Variants in TAFA1 observed in about 807,000 individuals in gnomAD.
TAFA1 encodes the protein TAFA chemokine like family member 1.
In TAFA1, 4 loss-of-function variants were observed where a neutral mutation model predicts 18.5. That is an observed-to-expected ratio of 0.22 (90% CI 0.11 to 0.49). The LOEUF is 0.49. Ranked by LOEUF, TAFA1 falls within the 20% of genes least tolerant of loss-of-function variation. The pLI is 0.98. For missense variants in TAFA1, 147 were observed against 169.0 expected, an observed-to-expected ratio of 0.87 and a Z score of 0.72; for synonymous variants, 56 against 55.2, an observed-to-expected ratio of 1.01 and a Z score of -0.06.
chr3:68,109,433 A>G (rs2065240028), intron 2 of TAFA1, among the ~76,000 whole-genome samples: 1 of 152,072 alleles, frequency 6.6e-6, no homozygotes, highest in African/African-American at 2.4e-5. Flanking sequence ...TTTAAATTGG[A>G]AAAAAAATAT....
At chr3:68,207,074 T>C (rs2066537102) in intron 2 of TAFA1, among the ~76,000 whole-genome samples, 1 of 151,910 alleles carries the variant, frequency 6.6e-6, no homozygotes, top group Non-Finnish European at 1.5e-5. Context: ...GTTAATAATA[T>C]CAACTTGCCT....
intron 3 of TAFA1, among the ~76,000 whole-genome samples, chr3:68,484,819 A>G (rs540368429): frequency 2.6e-5 from 4 of 152,162 alleles, no homozygotes; most frequent in Non-Finnish European, 2.9e-5. Context: ...CCCTTTTTCT[A>G]AAGAGATTGA....
chr3:68,449,684 T>A (rs2071536416), intron 3 of TAFA1, among the ~76,000 whole-genome samples: 1 of 152,174 alleles, frequency 6.6e-6, no homozygotes, highest in South Asian at 2.1e-4. Context: ...AGACATGGGC[T>A]CTTCAGGTGG....
intron 3 of TAFA1, among the ~76,000 whole-genome samples, chr3:68,509,048 A>G (rs989193237): frequency 2.0e-5 from 3 of 152,110 alleles, no homozygotes; most frequent in Non-Finnish European, 4.4e-5. Context: ...TTGCTGTCAC[A>G]TTGGCCTCCA....
chr3:68,389,553 A>T (rs900133390), intron 2 of TAFA1, among the ~76,000 whole-genome samples: 8 of 152,168 alleles, frequency 5.3e-5, no homozygotes, highest in African/African-American at 7.2e-5. Context: ...AAAAGTATCT[A>T]TTGGTTGATT....
chr3:68,153,686 A>G (rs1321422965), intron 2 of TAFA1, among the ~76,000 whole-genome samples: 1 of 152,118 alleles, frequency 6.6e-6, no homozygotes, highest in Non-Finnish European at 1.5e-5. Context: ...TGATGAATCC[A>G]TGGTGTTCTC....
At chr3:68,404,111 T>C (rs2070548799) in intron 2 of TAFA1, among the ~76,000 whole-genome samples, 1 of 152,186 alleles carries the variant, frequency 6.6e-6, no homozygotes, top group Admixed American at 6.5e-5. Flanking sequence ...AGTATTATAG[T>C]ACTATTTTCC....
At chr3:68,026,041 A>G (rs763037299) in intron 2 of TAFA1, among the ~76,000 whole-genome samples, 1 of 152,224 alleles carries the variant, frequency 6.6e-6, no homozygotes, top group Non-Finnish European at 1.5e-5. Context: ...AAATGAATGA[A>G]TAAATAAAAG....
intron 3 of TAFA1, among the ~76,000 whole-genome samples, chr3:68,533,896 C>T (rs930284547): frequency 6.6e-6 from 1 of 152,100 alleles, no homozygotes; most frequent in Admixed American, 6.6e-5. Context: ...TTTCCTTTCA[C>T]ACCTTGACCT....
intron 2 of TAFA1, among the ~76,000 whole-genome samples, chr3:68,013,275 G>A (rs888387901): frequency 6.6e-6 from 1 of 152,064 alleles, no homozygotes; most frequent in Non-Finnish European, 1.5e-5. Context: ...GGATGTATGT[G>A]CATTTTTGTG....
chr3:68,254,985 G>T (rs2067270777), intron 2 of TAFA1, among the ~76,000 whole-genome samples: 1 of 152,124 alleles, frequency 6.6e-6, no homozygotes, highest in South Asian at 2.1e-4. Flanking sequence ...AAAGTAGGGA[G>T]AAAATGAATT....
At chr3:68,392,136 A>G (rs929879281) in intron 2 of TAFA1, among the ~76,000 whole-genome samples, 1 of 150,914 alleles carries the variant, frequency 6.6e-6, no homozygotes, top group African/African-American at 2.4e-5. Flanking sequence ...AAAGACACAC[A>G]TAGGCTCAAA....
chr3:68,194,781 C>A (rs980534599), intron 2 of TAFA1, among the ~76,000 whole-genome samples: 1 of 151,702 alleles, frequency 6.6e-6, no homozygotes, highest in Non-Finnish European at 1.5e-5. Flanking sequence ...GTTTCCTTAT[C>A]TTTAAAATGG....
At chr3:68,502,541 A>C (rs942202259) in intron 3 of TAFA1, among the ~76,000 whole-genome samples, 1 of 152,118 alleles carries the variant, frequency 6.6e-6, no homozygotes. Flanking sequence ...TCATACTAAT[A>C]ATCACAGACA....
chr3:68,528,334 G>A (rs2073137189), intron 3 of TAFA1, among the ~76,000 whole-genome samples: 1 of 152,164 alleles, frequency 6.6e-6, no homozygotes, highest in Admixed American at 6.5e-5. Flanking sequence ...TTACAAAGTG[G>A]TAGAACTAAA....
intron 3 of TAFA1, among the ~76,000 whole-genome samples, chr3:68,526,088 C>T (rs1707412719): frequency 6.6e-6 from 1 of 152,186 alleles, no homozygotes; most frequent in Admixed American, 6.5e-5. Flanking sequence ...TTAAGAGACA[C>T]TTCTCTCCTA....
intron 2 of TAFA1, among the ~76,000 whole-genome samples, chr3:68,238,300 G>T (rs1302015100): frequency 2.0e-5 from 3 of 152,158 alleles, no homozygotes; most frequent in Non-Finnish European, 4.4e-5. Context: ...CCTCCCTCAG[G>T]CTGAGACCTG....
chr3:68,531,442 T>G (rs1175673280), intron 3 of TAFA1, among the ~76,000 whole-genome samples: 1 of 151,296 alleles, frequency 6.6e-6, no homozygotes, highest in Non-Finnish European at 1.5e-5. Flanking sequence ...CTTGGGGTTT[T>G]ATAAGTTGGC....
chr3:68,337,419 C>G (rs1054758503), intron 2 of TAFA1, among the ~76,000 whole-genome samples: 1 of 152,110 alleles, frequency 6.6e-6, no homozygotes, highest in African/African-American at 2.4e-5. Flanking sequence ...TCCCACCAGG[C>G]CCTACCTCCA....
Sources: gnomAD v4.1 joint callset for allele counts (sites outside exome capture counted in the v4.1 genomes callset) on GRCh38, gnomAD v4.1.1 for gene constraint, MANE v1.5 for transcripts, NCBI Gene and HGNC (gene_info 2026-07-23, HGNC 2026-07-21) for gene names.